TRMT11: variants seen among roughly 807,000 people sequenced by gnomAD.
The protein encoded by TRMT11 is tRNA (guanine(10)-N(2))-methyltransferase TRMT11.
A neutral mutation model predicts 62.8 loss-of-function variants in TRMT11; 53 were observed. The observed-to-expected ratio is 0.84, with a 90% confidence interval of 0.68 to 1.06. TRMT11 has a LOEUF of 1.06. Among genes scored for constraint, TRMT11 ranks in the 50% least tolerant of loss-of-function variants. The probability of loss-of-function intolerance (pLI) is 0.00; values close to 1 mark genes in which losing one functional copy is unlikely to be tolerated. For missense variants in TRMT11, 556 were observed against 553.4 expected (o/e 1.00, Z -0.05); for synonymous variants, 188 against 190.3 (o/e 0.99, Z 0.10).
the TRMT11 span, among the ~76,000 whole-genome samples, chr6:126,257,208 G>T: frequency 6.6e-6 from 1 of 151,670 alleles, no homozygotes; most frequent in Admixed American, 6.6e-5. Flanking sequence ...TAAGCGAGTA[G>T]TTTTCTCAGC....
chr6:126,158,415 C>T (rs1230844914), intron 21 of TRMT11, among the ~76,000 whole-genome samples: 1 of 152,146 alleles, frequency 6.6e-6, no homozygotes, highest in Non-Finnish European at 1.5e-5. Context: ...GGATCAGATT[C>T]AAGTTCAATA....
the TRMT11 span, among the ~76,000 whole-genome samples, chr6:126,222,277 T>A: frequency 6.6e-6 from 1 of 152,218 alleles, no homozygotes; most frequent in East Asian, 1.9e-4. Flanking sequence ...TGCTTAGGAT[T>A]GCCTTAGCTA....
chr6:126,166,288 C>A (rs989801322), intron 21 of TRMT11, among the ~76,000 whole-genome samples: 19 of 152,040 alleles, frequency 1.2e-4, no homozygotes, highest in African/African-American at 4.3e-4. Context: ...TACCTTTGGT[C>A]TTTGGTGTTG....
chr6:126,111,993 T>G (rs1231684977), intron 17 of TRMT11, among the ~76,000 whole-genome samples: 1 of 152,164 alleles, frequency 6.6e-6, no homozygotes, highest in Admixed American at 6.6e-5. Context: ...AGTTTCTTTC[T>G]ACTCCATTTC....
At chr6:126,258,326 G>T in the TRMT11 span, 1 of 395,198 alleles carries the variant, frequency 2.5e-6, no homozygotes, top group Non-Finnish European at 4.9e-6. Flanking sequence ...TGGGGCCAGG[G>T]CCGCCGTCTG....
At chr6:126,051,820 A>G (rs1776227372) in intron 16 of TRMT11, among the ~76,000 whole-genome samples, 1 of 152,146 alleles carries the variant, frequency 6.6e-6, no homozygotes, top group Non-Finnish European at 1.5e-5. Flanking sequence ...AGCATGAAGA[A>G]CTGCATAGCA....
intron 17 of TRMT11, among the ~76,000 whole-genome samples, chr6:126,058,773 C>G (rs1776443083): frequency 6.6e-6 from 1 of 152,190 alleles, no homozygotes; most frequent in South Asian, 2.1e-4. Flanking sequence ...ATACAAACTA[C>G]CATCTGAGAA....
chr6:126,161,461 T>A (rs1778189462), intron 21 of TRMT11, among the ~76,000 whole-genome samples: 1 of 152,246 alleles, frequency 6.6e-6, no homozygotes. Flanking sequence ...TGTGCCACAT[T>A]TTCTTTATCC....
chr6:126,009,832 A>C (rs1031423603), intron 8 of TRMT11, among the ~76,000 whole-genome samples: 5 of 152,074 alleles, frequency 3.3e-5, no homozygotes, highest in Non-Finnish European at 7.4e-5. Flanking sequence ...TATATAATTT[A>C]CTTGAATTTT....
chr6:126,017,589 G>A (rs560719115), intron 11 of TRMT11, among the ~76,000 whole-genome samples: 1 of 152,088 alleles, frequency 6.6e-6, no homozygotes, highest in Non-Finnish European at 1.5e-5. Flanking sequence ...CCCATTGTTT[G>A]AGATGCCCTT....
intron 16 of TRMT11, among the ~76,000 whole-genome samples, chr6:126,048,802 C>A (rs1392562051): frequency 6.6e-6 from 1 of 152,146 alleles, no homozygotes; most frequent in African/African-American, 2.4e-5. Context: ...CTACTCCTGG[C>A]AGATTGATTA....
At chr6:126,254,701 GCTGGCTTTT>G in the TRMT11 span, among the ~76,000 whole-genome samples, 2 of 151,986 alleles carry the variant, frequency 1.3e-5, no homozygotes, top group African/African-American at 4.8e-5. Flanking sequence ...TTGGTGTCAT[GCTGGCTTTT>G]ATCAAATTAT....
At chr6:126,177,120 T>C (rs1028948170), upstream of TRMT11, 2 of 152,122 alleles carry the variant, frequency 1.3e-5, no homozygotes, top group Admixed American at 1.3e-4. Context: ...TCAAGAAAAT[T>C]ATTAATTATT....
At chr6:126,007,973 T>C (rs1008434159) in intron 7 of TRMT11, among the ~76,000 whole-genome samples, 1 of 152,066 alleles carries the variant, frequency 6.6e-6, no homozygotes, top group African/African-American at 2.4e-5. Context: ...TTTGAAACTC[T>C]GACTTCAGTG....
the TRMT11 span, among the ~76,000 whole-genome samples, chr6:126,222,861 C>A: frequency 6.6e-6 from 1 of 151,398 alleles, no homozygotes; most frequent in African/African-American, 2.4e-5. Flanking sequence ...TTGATCCTGA[C>A]ATCTTGTTGT....
chr6:126,212,348 C>T, the TRMT11 span, among the ~76,000 whole-genome samples: 1 of 152,160 alleles, frequency 6.6e-6, no homozygotes, highest in Non-Finnish European at 1.5e-5. Flanking sequence ...AAACTACAAA[C>T]TGTTCTCCAT....
chr6:126,027,403 A>G (rs1264978961), intron 12 of TRMT11, among the ~76,000 whole-genome samples: 1 of 152,216 alleles, frequency 6.6e-6, no homozygotes, highest in Non-Finnish European at 1.5e-5. Flanking sequence ...CAAAAAATTC[A>G]TGCAACTTTT....
At chr6:126,041,198 C>T (rs185166468), downstream of TRMT11, among the ~76,000 whole-genome samples, 68 of 152,168 alleles carry the variant, frequency 4.5e-4, no homozygotes, top group Non-Finnish European at 9.0e-4. Context: ...ACAACAACAA[C>T]AACCTTATTT....
downstream of TRMT11, among the ~76,000 whole-genome samples, chr6:126,208,580 G>C (rs1305007715): frequency 6.6e-6 from 1 of 152,062 alleles, no homozygotes; most frequent in Non-Finnish European, 1.5e-5. Context: ...TATGACAAAA[G>C]GATAGATGAA....
Sources: allele counts gnomAD v4.1 joint callset (sites outside exome capture counted in the v4.1 genomes callset), GRCh38; gene constraint gnomAD v4.1.1; transcripts MANE v1.5; gene names NCBI Gene and HGNC (gene_info 2026-07-23, HGNC 2026-07-21).